The following PLXDC2 variants were observed in gnomAD, a reference collection of about 807,000 sequenced individuals.
The protein encoded by PLXDC2 is plexin domain-containing protein 2.
Under a neutral mutation model 68.9 loss-of-function variants are expected in PLXDC2, and 40 were observed. That is an observed-to-expected ratio of 0.58 (90% CI 0.45 to 0.76). PLXDC2 has a LOEUF of 0.76. PLXDC2 is among the 30% of genes least tolerant of loss of function. The pLI is 0.00. For missense variants in PLXDC2, 644 were observed against 661.9 expected (o/e 0.97, Z 0.30); for synonymous variants, 243 against 234.2 (o/e 1.04, Z -0.34).
At chr10:20,038,173 T>A (rs1589599169) in intron 2 of PLXDC2, among the ~76,000 whole-genome samples, 1 of 151,558 alleles carries the variant, frequency 6.6e-6, no homozygotes, top group South Asian at 2.1e-4. Context: ...GAGATGGAGG[T>A]TGCAGTGAGC....
chr10:20,124,138 C>T (rs917843424), intron 4 of PLXDC2, among the ~76,000 whole-genome samples: 1 of 152,116 alleles, frequency 6.6e-6, no homozygotes, highest in African/African-American at 2.4e-5. Flanking sequence ...GGTCTGACAC[C>T]TCTGAAACAT....
chr10:20,263,467 A>G (rs1835834119), intron 13 of PLXDC2, among the ~76,000 whole-genome samples: 1 of 152,236 alleles, frequency 6.6e-6, no homozygotes. Context: ...TACAACAAAG[A>G]CACCAAAAGC....
At chr10:20,088,741 G>GA in intron 4 of PLXDC2, among the ~76,000 whole-genome samples, 1 of 152,142 alleles carries the variant, frequency 6.6e-6, no homozygotes, top group East Asian at 1.9e-4. Flanking sequence ...TCTGAAAATT[G>GA]GGTATATCAA....
intron 4 of PLXDC2, among the ~76,000 whole-genome samples, chr10:20,100,557 A>G (rs182772189): frequency 6.6e-6 from 1 of 152,306 alleles, no homozygotes; most frequent in African/African-American, 2.4e-5. Flanking sequence ...ATAGTTGACT[A>G]TAATACGGTT....
At chr10:20,233,368 T>A (rs1023260315) in intron 12 of PLXDC2, among the ~76,000 whole-genome samples, 150 of 24,202 alleles carry the variant, frequency 6.2e-3, no homozygotes, top group Middle Eastern at 0.062. Flanking sequence ...TCTACAAAAA[T>A]TTAAAAAAAG....
intron 12 of PLXDC2, among the ~76,000 whole-genome samples, chr10:20,243,441 G>A (rs1353993630): frequency 6.6e-6 from 1 of 152,004 alleles, no homozygotes; most frequent in African/African-American, 2.4e-5. Flanking sequence ...TTACATAAGG[G>A]AAATCTTTAG....
At chr10:20,201,959 T>C (rs906029688) in intron 9 of PLXDC2, among the ~76,000 whole-genome samples, 27 of 152,174 alleles carry the variant, frequency 1.8e-4, no homozygotes, top group Non-Finnish European at 1.9e-4. Context: ...CTACTTTAGT[T>C]TGTGAATTTT....
Position 20,164,576 on chromosome 10 carries a change from A to G in PLXDC2, c.883+9A>G, listed in dbSNP as rs567982543. 2.5e-6 allele frequency: 4 copies of G among 1,597,614 alleles called. No individual in the cohort carries two copies. In the Admixed American group the frequency reaches 5.0e-5, roughly 20 times the overall value. ...GATCCAACAAATTCCCAGTACGTAG[A>G]AGAAGGGCAGTCGCAATGAGTGAGC... On this transcript the variant is annotated intron_variant, in intron 7 of 13. Transcript: ENST00000377252.
At chr10:20,220,408 A>G (rs1043058876) in intron 12 of PLXDC2, among the ~76,000 whole-genome samples, 3 of 152,122 alleles carry the variant, frequency 2.0e-5, no homozygotes, top group Non-Finnish European at 4.4e-5. Context: ...CTTCTCTTTT[A>G]CTTGTTACCT....
At chr10:19,839,706 T>C (rs1017455003) in intron 1 of PLXDC2, among the ~76,000 whole-genome samples, 1 of 151,916 alleles carries the variant, frequency 6.6e-6, no homozygotes, top group Non-Finnish European at 1.5e-5. Context: ...CGTTCACCAA[T>C]GGTAACTGTT....
At chr10:20,261,577 G>A (rs1002475100) in intron 13 of PLXDC2, among the ~76,000 whole-genome samples, 22 of 152,066 alleles carry the variant, frequency 1.4e-4, no homozygotes, top group Non-Finnish European at 2.8e-4. Flanking sequence ...ATAATCTGCC[G>A]GGGGTAGTGG....
intron 1 of PLXDC2, among the ~76,000 whole-genome samples, chr10:19,994,835 C>T (rs563382170): frequency 2.0e-5 from 3 of 151,628 alleles, no homozygotes; most frequent in South Asian, 2.1e-4. Flanking sequence ...CTCCGCTTCC[C>T]GTGTTCGAGT....
At chr10:19,883,883 A>AATTTTTTTTTTTTTTTTTTT (rs1564618531) in intron 1 of PLXDC2, among the ~76,000 whole-genome samples, 1 of 41,906 alleles carries the variant, frequency 2.4e-5, no homozygotes, top group Non-Finnish European at 4.3e-5. Context: ...ATCCCTTTAA[A>AATTTTTTTTTTTTTTTTTTT]CTTTTTTTTT....
intron 1 of PLXDC2, among the ~76,000 whole-genome samples, chr10:19,976,889 G>A (rs1048514311): frequency 1.4e-5 from 2 of 146,188 alleles, no homozygotes; most frequent in Non-Finnish European, 3.0e-5. Context: ...TTCTTTCAGT[G>A]TCCTCTTTTA....
At chr10:20,182,088 T>TGTGTGC (rs1834613513) in intron 9 of PLXDC2, among the ~76,000 whole-genome samples, 2 of 151,690 alleles carry the variant, frequency 1.3e-5, no homozygotes, top group African/African-American at 4.8e-5. Context: ...TGTGTGTGTG[T>TGTGTGC]GTGTGTGTGT....
At chr10:19,824,900 G>A (rs550411201) in intron 1 of PLXDC2, among the ~76,000 whole-genome samples, 1 of 152,170 alleles carries the variant, frequency 6.6e-6, no homozygotes, top group Non-Finnish European at 1.5e-5. Context: ...TAGAGGTCTT[G>A]TCAGGGGCCT....
At chr10:20,057,805 A>T (rs1471734525) in intron 3 of PLXDC2, among the ~76,000 whole-genome samples, 2 of 152,246 alleles carry the variant, frequency 1.3e-5, no homozygotes, top group East Asian at 3.9e-4. Flanking sequence ...GGATGCAAAA[A>T]GGATGTCATA....
At chr10:20,032,435 G>A (rs566962216) in intron 2 of PLXDC2, among the ~76,000 whole-genome samples, 1 of 152,126 alleles carries the variant, frequency 6.6e-6, no homozygotes, top group Non-Finnish European at 1.5e-5. Flanking sequence ...TTGAACAGGG[G>A]CATGATATGA....
At chr10:20,068,779 C>A (rs7093236) in intron 4 of PLXDC2, among the ~76,000 whole-genome samples, 30,821 of 151,428 alleles carry the variant, frequency 0.2, 4,170 homozygotes, top group East Asian at 0.6. Context: ...AGCTGAAATC[C>A]AGCTCAAATT....
Sources: gnomAD v4.1 joint callset for allele counts (sites outside exome capture counted in the v4.1 genomes callset) on GRCh38, gnomAD v4.1.1 for gene constraint, MANE v1.5 for transcripts, NCBI Gene and HGNC (gene_info 2026-07-23, HGNC 2026-07-21) for gene names.